AP1G2: variants seen among roughly 807,000 people sequenced by gnomAD.
The protein encoded by AP1G2 is AP-1 complex subunit gamma-like 2.
AP1G2 carries 85 observed loss-of-function variants against 95.8 expected under a neutral mutation model. The ratio of observed to expected loss-of-function variants is 0.89; its 90% CI spans 0.74 to 1.06. AP1G2 has a LOEUF of 1.06. Among genes scored for constraint, AP1G2 ranks in the 50% least tolerant of loss-of-function variants. AP1G2 has a pLI of 0.00. For missense variants in AP1G2, 967 were observed against 1,005.8 expected, an observed-to-expected ratio of 0.96 and a Z score of 0.52; for synonymous variants, 378 against 400.0, an observed-to-expected ratio of 0.94 and a Z score of 0.66.
chr14:23,561,654 A>C lies in AP1G2; in HGVS notation c.1734-19T>G, dbSNP rs772923335. On this transcript the variant is annotated intron_variant, in intron 17 of 21. Transcript: ENST00000397120. ...GGCAGCCCTGAGAGGATGGAATGCA[A>C]GTGTGCCTCTGTGTGGTCTCTGGGC... The C allele has an allele frequency of 1.5e-5, 24 of 1,612,684 alleles. No homozygotes were observed. Among genetic ancestry groups the C allele is most frequent in the Non-Finnish European group, 2.0e-5 (24 of 1,179,776 alleles).
At chr14:23,564,534 G>A (rs751001966) in intron 9 of AP1G2, 28 bp downstream of exon 9, 42 of 1,608,664 alleles carry the variant, frequency 2.6e-5, no homozygotes, top group African/African-American at 8.0e-5. Flanking sequence ...GGGCGGGGCC[G>A]TAGTGGGAGA....
At chr14:23,563,899 C>T (rs1886391906) in intron 11 of AP1G2, 43 bp from the exon 12 acceptor site, 1 of 1,606,472 alleles carries the variant, frequency 6.2e-7, no homozygotes, top group Non-Finnish European at 8.5e-7. Flanking sequence ...CCCAGGTCAT[C>T]CTGGTCCATG....
chr14:23,562,700 C>G (rs1885576052), intron 14 of AP1G2, 107 bp from the exon 15 acceptor site: 1 of 1,071,744 alleles, frequency 9.3e-7, no homozygotes, highest in Non-Finnish European at 1.3e-6. Context: ...ACCAGGAGTT[C>G]AAGACCAGCC....
intron 14 of AP1G2, 99 bp downstream of exon 14, chr14:23,563,281 A>C: frequency 6.6e-7 from 1 of 1,523,506 alleles, no homozygotes; most frequent in Non-Finnish European, 8.8e-7. Context: ...AGCAGCTGTG[A>C]CCTTGAGAGA....
intron 9 of AP1G2, 86 bp downstream of exon 9, chr14:23,564,476 G>A: frequency 1.2e-6 from 2 of 1,600,100 alleles, no homozygotes; most frequent in South Asian, 1.1e-5. Context: ...AAGATGATGG[G>A]GCTAGGAGGG....
Position 23,566,607 on chromosome 14 carries a change from T to C in AP1G2, c.284A>G (p.Asp95Gly), listed in dbSNP as rs1426583708. ...GAGCAGGTGGGCATCGTGCCTCTCATCCAATAGAAGCATGGCCCCCAGGTA... is the reference window on the plus strand; with the variant it reads ...GAGCAGGTGGGCATCGTGCCTCTCACCCAATAGAAGCATGGCCCCCAGGTA... ...VGYLGAMLLL[D>G]ERHDAHLLIT... The change falls in exon 3 of 22, where the codon GAT (aspartate) becomes GGT (glycine). Residue 95 changes from aspartate (D) to glycine (G), a missense_variant. Asp to Gly is a moderately conservative substitution (Grantham distance 94). Coordinates refer to ENST00000397120, the MANE Select transcript of AP1G2 (RefSeq NM_003917.5). The C allele has an allele frequency of 1.9e-6, 3 of 1,614,146 alleles. No homozygotes were observed. In the South Asian group the frequency reaches 3.3e-5, roughly 18 times the overall value.
Position 23,559,948 on chromosome 14 carries a change from T to C in AP1G2, c.2246A>G (p.Asn749Ser), listed in dbSNP as rs375486046. The C allele has an allele frequency of 6.1e-5, 98 of 1,613,018 alleles. No homozygotes were observed. Among genetic ancestry groups the C allele is most frequent in the Admixed American group, 5.0e-4 (30 of 59,942 alleles). Reference sequence around the variant, plus strand: ...ACTCCTGAAGCTCACCTTGTTAGGATTGAGGATTCTGAAGAGCTGGGTGAT... The same window carrying C: ...ACTCCTGAAGCTCACCTTGTTAGGACTGAGGATTCTGAAGAGCTGGGTGAT... Reference protein sequence around the residue: ...LPITQLFRILNPNKAPLRLKL... With the variant: ...LPITQLFRILSPNKAPLRLKL... The change falls in exon 21 of 22, where the codon AAT becomes AGT. Residue 749 changes from asparagine to serine, a missense_variant. Physicochemically the swap from Asn to Ser is conservative, Grantham distance 46 (BLOSUM62 1). Transcript: ENST00000397120.
Position 23,561,547 on chromosome 14 carries a change from G to A in AP1G2, c.1822C>T (p.Leu608Phe). The A allele has an allele frequency of 6.2e-7, 1 of 1,614,160 alleles. No homozygotes were observed. The change falls in exon 18 of 22, where the codon CTT becomes TTT. Residue 608 changes from leucine (L) to phenylalanine (F), a missense_variant. By Grantham distance (22) the Leu-to-Phe change is conservative (BLOSUM62 0). Transcript: ENST00000397120. ...GTGGGCACTGGGGCTGCTTCTGAAA[G>A]CTGGGCTGCTTCTTTGCTTTCCTTT... ...EAKESKEAAQ[L>F]SEAAPVPTEP...
chr14:23,565,693 G>T lies in AP1G2; in HGVS notation c.654C>A (p.Pro218=). Residue 218 remains proline, a synonymous_variant, in exon 7 of 22, where the codon CCC becomes CCA. Transcript: ENST00000397120. The part of the protein sequence containing the change: ...AALRHFRKVV[P]QLVHILRTLV... Reference sequence around the variant, plus strand: ...GAGTCCGGAGGATGTGTACCAGCTGGGGTACCACCTGGAGGGAGGGCACAA... The same window carrying T: ...GAGTCCGGAGGATGTGTACCAGCTGTGGTACCACCTGGAGGGAGGGCACAA... 1 of 1,614,024 alleles carries T rather than the reference G, an allele frequency of 6.2e-7. No homozygotes were observed. The highest frequency in any genetic ancestry group is 1.7e-5 in the Admixed American group (1 of 60,028).
In AP1G2 at chr14:23,561,848, C is replaced by T. The variant is rs554703932; in HGVS notation, c.1733+114G>A. Reference sequence around the variant, plus strand: ...TTCAATTAACAGTGGGTGGGAAGCTCTCACCGTGGATATGGAAGAACACAG... The same window carrying T: ...TTCAATTAACAGTGGGTGGGAAGCTTTCACCGTGGATATGGAAGAACACAG... On this transcript the variant is annotated intron_variant, in intron 17 of 21. Transcript: ENST00000397120. 3.4e-6 allele frequency: 5 copies of T among 1,478,704 alleles called. No individual in the cohort carries two copies. The East Asian group carries it at 9.9e-5, about 29-fold the overall frequency. 91.6% of individuals were successfully genotyped at this position (1,478,704 alleles called of 1,614,324 possible).
intron 11 of AP1G2, 54 bp from the exon 12 acceptor site, chr14:23,563,910 C>T: frequency 6.2e-7 from 1 of 1,602,442 alleles, no homozygotes; most frequent in Non-Finnish European, 8.5e-7. Context: ...CTGGTCCATG[C>T]CTCAGGCCCT....
At chr14:23,566,450 C>A (rs1174572210) in intron 3 of AP1G2, 31 bp from the exon 4 acceptor site, 1 of 1,608,940 alleles carries the variant, frequency 6.2e-7, no homozygotes, top group African/African-American at 1.3e-5. Context: ...GTCAGTCAAA[C>A]CTCTGAGAAA....
At chr14:23,562,161 T>C in intron 16 of AP1G2, 95 bp from the exon 17 acceptor site, 3 of 1,591,638 alleles carry the variant, frequency 1.9e-6, no homozygotes, top group Middle Eastern at 2.1e-4. Context: ...TACCCAGATT[T>C]GGCTCAAAAA....
At chr14:23,564,953 C>CA in intron 8 of AP1G2, 166 bp downstream of exon 8, 2 of 715,860 alleles carry the variant, frequency 2.8e-6, no homozygotes, top group Non-Finnish European at 4.7e-6. Flanking sequence ...GGCACTGGGG[C>CA]AATAGCACTA....
rs369057164 is a variant in AP1G2 at position 23,565,927 on chromosome 14, C to T, written c.569-35G>A. On this transcript the variant is annotated intron_variant, in intron 5 of 21. Coordinates refer to ENST00000397120, the MANE Select transcript of AP1G2 (RefSeq NM_003917.5). ...GCGTCGGGGAAGTGAATGGTGGGGGCCAGGGGCAAGAGAGTCTATTGCGTG... is the reference window on the plus strand; with the variant it reads ...GCGTCGGGGAAGTGAATGGTGGGGGTCAGGGGCAAGAGAGTCTATTGCGTG... 8.1e-5 allele frequency: 129 copies of T among 1,600,068 alleles called. 1 individual carries two copies. The South Asian group carries it at 1.4e-3, about 17-fold the overall frequency.
rs1491180591 is a variant in AP1G2 at position 23,562,363 on chromosome 14, A to AT, written c.1552dup (p.Met518AsnfsTer51). The AT allele has an allele frequency of 2.5e-6, 4 of 1,614,108 alleles. No homozygotes were observed. On this transcript the variant is annotated frameshift_variant, in exon 16 of 22. Transcript: ENST00000397120. LOFTEE classifies it high-confidence loss of function. ...ATATCCTCGAGTGGCTGGCAGGGAC[A>AT]TGTGGGACTGCAGCACCTTTTCCAG... is the stretch of plus-strand genomic sequence containing the variant.
At chr14:23,562,899 T>C in intron 14 of AP1G2, 1 of 521,304 alleles carries the variant, frequency 1.9e-6, no homozygotes, top group Non-Finnish European at 3.1e-6. Flanking sequence ...GTTACCTGGC[T>C]CCCACTGCCC....
At position 23,561,999 on chromosome 14, in the gene AP1G2, CCA is replaced by C. The variant is rs1566627026; in HGVS notation, c.1694_1695del (p.Val565GlyfsTer3). 2 of 1,613,310 alleles carry C rather than the reference CCA, an allele frequency of 1.2e-6. No individual in the cohort carries two copies. The highest frequency in any genetic ancestry group is 2.7e-5 in the African/African-American group (2 of 75,010). On this transcript the variant is annotated frameshift_variant, in exon 17 of 22. Coordinates refer to ENST00000397120, the MANE Select transcript of AP1G2 (RefSeq NM_003917.5). LOFTEE classifies it high-confidence loss of function. ...TATTTCCGGAAGAGTGTGTCATACT[CCA>C]CAGCCCGCTGCTGCAGCTCCACGTC... ...CLDVELQQRA[V>X]EYDTLFRKYD...
chr14:23,566,348 T>A lies in AP1G2; in HGVS notation c.401A>T (p.Glu134Val), dbSNP rs1403128440. ...CTCTGGGGCCAGGTCTCGGCACATCTCAGCAGAGCCCATGGTGCTCAAAGT... is the reference window on the plus strand; with the variant it reads ...CTCTGGGGCCAGGTCTCGGCACATCACAGCAGAGCCCATGGTGCTCAAAGT... ...LCTLSTMGSA[E>V]MCRDLAPEVE... is the part of the protein sequence containing the mutation. Residue 134 changes from glutamate to valine, a missense_variant, in exon 4 of 22, where the codon GAG (glutamate) becomes GTG (valine). Physicochemically the swap from Glu to Val is moderately radical, Grantham distance 121. Coordinates refer to ENST00000397120, the MANE Select transcript of AP1G2 (RefSeq NM_003917.5). 1 of 1,614,020 alleles carries A rather than the reference T, an allele frequency of 6.2e-7. No homozygotes were observed. Among genetic ancestry groups the A allele is most frequent in the Admixed American group, 1.7e-5 (1 of 60,026 alleles).
Sources: allele counts gnomAD v4.1 joint callset, GRCh38; gene constraint gnomAD v4.1.1; transcripts MANE v1.5; gene names NCBI Gene and HGNC (gene_info 2026-07-23, HGNC 2026-07-21).